The following VASH2 variants were observed in gnomAD, a reference collection of about 807,000 sequenced individuals.
VASH2 encodes tubulinyl-Tyr carboxypeptidase 2.
VASH2 carries 28 observed loss-of-function variants against 37.2 expected under a neutral mutation model. The ratio of observed to expected loss-of-function variants is 0.75; its 90% CI spans 0.56 to 1.03. The LOEUF (loss-of-function observed/expected upper bound fraction) is 1.03. Ranked by LOEUF, VASH2 falls within the 50% of genes least tolerant of loss-of-function variation. VASH2 has a pLI of 0.00. For missense variants in VASH2, 419 were observed against 459.1 expected (o/e 0.91, Z 0.80); for synonymous variants, 188 against 174.7 (o/e 1.08, Z -0.60).
At chr1:212,953,252 G>A (rs11804705) in intron 2 of VASH2, among the ~76,000 whole-genome samples, 12 of 151,588 alleles carry the variant, frequency 7.9e-5, no homozygotes, top group African/African-American at 2.7e-4. Context: ...CATTCTCTAT[G>A]TGGGAATCAT....
chr1:212,989,641 T>C lies in VASH2; in HGVS notation c.*1057T>C, dbSNP rs188894540. ...TATTAAGACCAAATGTGACATGATG[T>C]GATTATCTTCCAGTACTTTGCTTTT... On this transcript the variant is annotated 3_prime_UTR_variant, in exon 8 of 8. Coordinates refer to ENST00000517399, the MANE Select transcript of VASH2 (RefSeq NM_001301056.2). The C allele has an allele frequency of 6.6e-6, 1 of 152,360 alleles. No individual in the cohort carries two copies. Among genetic ancestry groups the C allele is most frequent in the African/African-American group, 2.4e-5 (1 of 41,582 alleles). The allele number at this position is 152,360 out of a possible 1,614,324, so 9.4% of individuals were successfully genotyped here. A position where few individuals can be genotyped will look rare whatever the true frequency, so the allele number is the denominator to read the frequency against.
chr1:212,961,348 A>C, intron 3 of VASH2, 94 bp downstream of exon 3: 1 of 1,597,168 alleles, frequency 6.3e-7, no homozygotes. Context: ...CTGGTCATCA[A>C]AAGCTCTCTA....
At chr1:212,981,019 G>A (rs1379467957) in intron 7 of VASH2, among the ~76,000 whole-genome samples, 1 of 152,206 alleles carries the variant, frequency 6.6e-6, no homozygotes, top group African/African-American at 2.4e-5. Context: ...AGTGAGCCAG[G>A]AGCCTCTGTG....
chr1:212,953,233 G>GA (rs965340895), intron 2 of VASH2, among the ~76,000 whole-genome samples: 1 of 126,650 alleles, frequency 7.9e-6, no homozygotes, highest in Non-Finnish European at 1.9e-5. Flanking sequence ...GGGTGCGCGG[G>GA]GGGGGGTGCA....
At chr1:212,986,128 A>C (rs1042573965) in intron 7 of VASH2, among the ~76,000 whole-genome samples, 1 of 152,204 alleles carries the variant, frequency 6.6e-6, no homozygotes, top group Non-Finnish European at 1.5e-5. Context: ...TAATTACAAA[A>C]CCAGGAAAGG....
chr1:212,960,529 C>T (rs763482522), intron 2 of VASH2, among the ~76,000 whole-genome samples: 3 of 152,100 alleles, frequency 2.0e-5, no homozygotes, highest in African/African-American at 4.8e-5. Flanking sequence ...TGTTGCAATT[C>T]GCTAGGGCAC....
chr1:212,975,409 A>G (rs2102648981), intron 7 of VASH2, among the ~76,000 whole-genome samples: 1 of 152,342 alleles, frequency 6.6e-6, no homozygotes, highest in African/African-American at 2.4e-5. Flanking sequence ...TGTTCCTGGT[A>G]GCAAGAGAGG....
chr1:212,982,737 AC>A (rs1667373703), intron 7 of VASH2, among the ~76,000 whole-genome samples: 1 of 152,178 alleles, frequency 6.6e-6, no homozygotes, highest in African/African-American at 2.4e-5. Flanking sequence ...TGGGCAGTTC[AC>A]CAGGAATCTC....
In VASH2 at chr1:212,988,503, T is replaced by C; in HGVS notation, c.996-9T>C. 4 of 1,614,030 alleles carry C rather than the reference T, an allele frequency of 2.5e-6. No homozygotes were observed. The highest frequency in any genetic ancestry group is 3.4e-6 in the Non-Finnish European group (4 of 1,179,930). Reference sequence around the variant, plus strand: ...TCTCCTCCACCATATTTCTGTCTTTTACCCTTAGGCCTGCACTGCCTGAAA... The same window carrying C: ...TCTCCTCCACCATATTTCTGTCTTTCACCCTTAGGCCTGCACTGCCTGAAA... On this transcript the variant is annotated splice_polypyrimidine_tract_variant and intron_variant, in intron 7 of 7. Coordinates refer to ENST00000517399, the MANE Select transcript of VASH2 (RefSeq NM_001301056.2).
chr1:212,991,315 T>C lies in VASH2; in HGVS notation c.*2731T>C, dbSNP rs1055900076. 2 of 152,356 alleles carry C rather than the reference T, an allele frequency of 1.3e-5. No individual in the cohort carries two copies. Among genetic ancestry groups the C allele is most frequent in the African/African-American group, 2.4e-5 (1 of 41,580 alleles). 9.4% of individuals were successfully genotyped at this position (152,356 alleles called of 1,614,324 possible). A position where few individuals can be genotyped will look rare whatever the true frequency, so the allele number is the denominator to read the frequency against. On this transcript the variant is annotated 3_prime_UTR_variant, in exon 8 of 8. Transcript: ENST00000517399. ...CTATACCTGAGTCTTTTGTAAGCTA[T>C]AGTTTTATGTACAACCTTGTACAGT...
intron 2 of VASH2, among the ~76,000 whole-genome samples, chr1:212,955,840 TC>T (rs1666472836): frequency 6.6e-6 from 1 of 152,316 alleles, no homozygotes; most frequent in East Asian, 1.9e-4. Flanking sequence ...TCTCCTTTCC[TC>T]CCCCATCCTG....
At position 212,977,589 on chromosome 1, in the gene VASH2, C is replaced by G. The variant is rs533633398; in HGVS notation, c.995+3519C>G. ...AAGGAAGGGGGGACATTAGGGAGAG[C>G]TTGACATACATGAGGAGGTAGAAGT... On this transcript the variant is annotated intron_variant, in intron 7 of 7. Coordinates refer to ENST00000517399, the MANE Select transcript of VASH2 (RefSeq NM_001301056.2). 3.0e-4 allele frequency among the ~76,000 whole-genome samples: 46 copies of G among 152,130 alleles called. No homozygotes were observed. The South Asian group carries it at 8.8e-3, about 29-fold the overall frequency.
rs1311012499 is a variant in VASH2 at position 212,951,530 on chromosome 1, C to A, written c.-13C>A. ...CGCGCCCCCAGTACCTCGCTCCCCG[C>A]CCAGGCCCCACCATGACCGGCTCCG... On this transcript the variant is annotated 5_prime_UTR_variant, in exon 2 of 8. Transcript: ENST00000517399. This position sits in a 1 kb window ranked among gnomAD's most constrained non-coding sequence, Gnocchi z 4.4. The A allele has an allele frequency of 6.8e-7, 1 of 1,468,794 alleles. No homozygotes were observed. Among genetic ancestry groups the A allele is most frequent in the Non-Finnish European group, 9.0e-7 (1 of 1,108,890 alleles). The allele number at this position is 1,468,794 out of a possible 1,614,324, so 91.0% of individuals were successfully genotyped here.
Position 212,965,792 on chromosome 1 carries a change from G to C in VASH2, c.422+14G>C. ...ACCGCTGAGTGGGTAAGTGGTGCAT[G>C]ATCTATGGGCCAGATGACCTCTCTC... On this transcript the variant is annotated intron_variant, in intron 4 of 7. Coordinates refer to ENST00000517399, the MANE Select transcript of VASH2 (RefSeq NM_001301056.2). 6.5e-7 allele frequency: 1 copy of C among 1,550,350 alleles called. No individual in the cohort carries two copies. The highest frequency in any genetic ancestry group is 8.7e-7 in the Non-Finnish European group (1 of 1,145,332).
chr1:212,951,409 C>T lies in VASH2; in HGVS notation c.-134C>T. The T allele has an allele frequency of 2.9e-6, 1 of 346,146 alleles. No homozygotes were observed. Among genetic ancestry groups the T allele is most frequent in the Non-Finnish European group, 4.1e-6 (1 of 242,770 alleles). The allele number at this position is 346,146 out of a possible 1,614,324, so 21.4% of individuals were successfully genotyped here. On this transcript the variant is annotated 5_prime_UTR_variant, in exon 2 of 8. Coordinates refer to ENST00000517399, the MANE Select transcript of VASH2 (RefSeq NM_001301056.2). This position sits in a 1 kb window ranked among gnomAD's most constrained non-coding sequence, Gnocchi z 4.4. ...TCCCCCTTGGTGAGTCCTGCCGCAG[C>T]GAGAGGCATGGAGAAGGCCGCCCCC...
intron 7 of VASH2, among the ~76,000 whole-genome samples, chr1:212,976,844 G>C (rs1159343904): frequency 2.0e-5 from 3 of 152,208 alleles, no homozygotes; most frequent in African/African-American, 7.2e-5. Flanking sequence ...GTGGTCGCCT[G>C]AGGTCAGGAA....
rs1173125508 is a variant in VASH2, at chr1:212,988,745, T to TA, written c.*167dup. 2.6e-6 allele frequency: 2 copies of TA among 777,524 alleles called. No homozygotes were observed. The highest frequency in any genetic ancestry group is 4.1e-6 in the Non-Finnish European group (2 of 483,554). The allele number at this position is 777,524 out of a possible 1,614,324, so 48.2% of individuals were successfully genotyped here. On this transcript the variant is annotated 3_prime_UTR_variant, in exon 8 of 8. Transcript: ENST00000517399. ...CTGAGTGGGTGGTAACCATTAGCTT[T>TA]AAAAAATTCACTAAAAGGCACCATG...
chr1:212,974,884 C>G (rs41315581), intron 7 of VASH2: 3,238 of 152,302 alleles, frequency 0.021, 62 homozygotes, highest in Middle Eastern at 0.054. Flanking sequence ...CCTTCCTCCT[C>G]GGGGAGCCTT....
intron 7 of VASH2, among the ~76,000 whole-genome samples, chr1:212,985,198 C>CTTTTTTTTTTTTT (rs55804989): frequency 1.5e-4 from 15 of 100,830 alleles, no homozygotes; most frequent in African/African-American, 2.7e-4. Context: ...ATTTTTTTTG[C>CTTTTTTTTTTTTT]TTTTTTTTTT....
Sources: allele counts gnomAD v4.1 joint callset (sites outside exome capture counted in the v4.1 genomes callset), GRCh38; gene constraint gnomAD v4.1.1; non-coding constraint Gnocchi (gnomAD v3.1); transcripts MANE v1.5; gene names NCBI Gene and HGNC (gene_info 2026-07-23, HGNC 2026-07-21).